KCNQ3: variants seen among roughly 807,000 people sequenced by gnomAD.
The protein encoded by KCNQ3 is potassium voltage-gated channel subfamily Q member 3.
Under a neutral mutation model 92.5 loss-of-function variants are expected in KCNQ3, and 30 were observed. That is an observed-to-expected ratio of 0.32 (90% CI 0.24 to 0.44). KCNQ3 has a LOEUF of 0.44. KCNQ3 is among the 20% of genes least tolerant of loss of function. The pLI is 1.00. For synonymous variants in KCNQ3, 450 were observed against 468.8 expected (o/e 0.96, Z 0.52); for missense variants, 913 against 1,140.3 (o/e 0.80, Z 2.87).
intron 9 of KCNQ3, 78 bp downstream of exon 9, chr8:132,163,390 G>C: frequency 1.7e-6 from 2 of 1,206,346 alleles, no homozygotes; most frequent in Non-Finnish European, 2.5e-6. Context: ...CCTCCCATGG[G>C]GCCCTACACC....
intron 1 of KCNQ3, among the ~76,000 whole-genome samples, chr8:132,351,506 C>T (rs1330079506): frequency 2.6e-5 from 4 of 152,186 alleles, no homozygotes; most frequent in Non-Finnish European, 5.9e-5. Flanking sequence ...TTGAAGCCCA[C>T]GGAGGAGGCC....
chr8:132,300,728 T>C (rs1817186764), intron 1 of KCNQ3, among the ~76,000 whole-genome samples: 2 of 152,144 alleles, frequency 1.3e-5, no homozygotes, highest in Non-Finnish European at 2.9e-5. Flanking sequence ...CAATAAAAGA[T>C]GTTTTAAACT....
intron 1 of KCNQ3, among the ~76,000 whole-genome samples, chr8:132,275,934 C>T (rs1487854307): frequency 6.6e-6 from 1 of 151,608 alleles, no homozygotes; most frequent in African/African-American, 2.4e-5. Flanking sequence ...TGTGGAATCA[C>T]CTGCTGAACC....
intron 1 of KCNQ3, among the ~76,000 whole-genome samples, chr8:132,244,801 T>G (rs1027496930): frequency 6.6e-6 from 1 of 151,986 alleles, no homozygotes; most frequent in Non-Finnish European, 1.5e-5. Context: ...TATTTCTGCC[T>G]GTGTCATCCC....
At position 132,127,796 on chromosome 8, in the gene KCNQ3, G is replaced by A. The variant is rs1463705790; in HGVS notation, c.*1466C>T. ...AATAACAACATCTCATAAGAGGCCA[G>A]AGGATGGCTTGTGCTTAATATCACA... On this transcript the variant is annotated 3_prime_UTR_variant, in exon 15 of 15. Coordinates refer to ENST00000388996, the MANE Select transcript of KCNQ3 (RefSeq NM_004519.4). 2 of 152,216 alleles carry A rather than the reference G, an allele frequency of 1.3e-5. No individual in the cohort carries two copies. Among genetic ancestry groups the A allele is most frequent in the Non-Finnish European group, 2.9e-5 (2 of 68,046 alleles). 9.4% of individuals were successfully genotyped at this position (152,216 alleles called of 1,614,324 possible). A position where few individuals can be genotyped will look rare whatever the true frequency, so the allele number is the denominator to read the frequency against.
chr8:132,258,612 G>A (rs543854320), intron 1 of KCNQ3, among the ~76,000 whole-genome samples: 69 of 151,878 alleles, frequency 4.5e-4, no homozygotes, highest in Middle Eastern at 3.4e-3. Context: ...AAAAAAAATA[G>A]CAAATGAACC....
At chr8:132,335,346 G>A (rs796856028) in intron 1 of KCNQ3, among the ~76,000 whole-genome samples, 7 of 152,220 alleles carry the variant, frequency 4.6e-5, no homozygotes, top group African/African-American at 1.7e-4. Flanking sequence ...GCCCATCTTA[G>A]ACATTTTTCA....
intron 1 of KCNQ3, among the ~76,000 whole-genome samples, chr8:132,390,668 C>G (rs1820027460): frequency 6.6e-6 from 1 of 152,166 alleles, no homozygotes; most frequent in Admixed American, 6.5e-5. Flanking sequence ...TCCAGCACTT[C>G]TCTCTGGGCC....
chr8:132,391,390 T>G (rs1820043565), intron 1 of KCNQ3, among the ~76,000 whole-genome samples: 1 of 152,044 alleles, frequency 6.6e-6, no homozygotes, highest in South Asian at 2.1e-4. Context: ...TCTCGCTTCT[T>G]CAAGATGTTT....
chr8:132,227,356 G>T (rs945909218), intron 1 of KCNQ3, among the ~76,000 whole-genome samples: 1 of 151,958 alleles, frequency 6.6e-6, no homozygotes, highest in South Asian at 2.1e-4. Flanking sequence ...CACCACACCC[G>T]GCCCCACTGG....
chr8:132,305,701 C>T (rs1353801546), intron 1 of KCNQ3, among the ~76,000 whole-genome samples: 1 of 151,996 alleles, frequency 6.6e-6, no homozygotes, highest in Non-Finnish European at 1.5e-5. Flanking sequence ...TGCTTGGGGG[C>T]CCCTTCTTTA....
chr8:132,338,561 A>G (rs1818430402), intron 1 of KCNQ3, among the ~76,000 whole-genome samples: 1 of 152,166 alleles, frequency 6.6e-6, no homozygotes, highest in African/African-American at 2.4e-5. Context: ...TGTTGTTTTG[A>G]TCATGGCTCT....
chr8:132,377,293 G>A (rs993395592), intron 1 of KCNQ3, among the ~76,000 whole-genome samples: 2 of 152,188 alleles, frequency 1.3e-5, no homozygotes, highest in African/African-American at 4.8e-5. Flanking sequence ...AGCTGGACTG[G>A]AGCTAAACCA....
At chr8:132,400,355 G>A (rs960248057) in intron 1 of KCNQ3, among the ~76,000 whole-genome samples, 8 of 152,280 alleles carry the variant, frequency 5.3e-5, no homozygotes, top group Non-Finnish European at 7.3e-5. Flanking sequence ...CCCCAGGGCC[G>A]GCTTTTCACA....
chr8:132,135,528 G>A (rs1250008015), intron 12 of KCNQ3, among the ~76,000 whole-genome samples: 3 of 152,088 alleles, frequency 2.0e-5, no homozygotes, highest in Non-Finnish European at 2.9e-5. Flanking sequence ...CTGGGGATAT[G>A]CAATCAGAGG....
At chr8:132,455,204 T>C (rs1821912306) in intron 1 of KCNQ3, among the ~76,000 whole-genome samples, 2 of 152,102 alleles carry the variant, frequency 1.3e-5, no homozygotes, top group African/African-American at 4.8e-5. Context: ...CCCCTCGGGT[T>C]CAAGTGATTC....
intron 1 of KCNQ3, among the ~76,000 whole-genome samples, chr8:132,478,982 A>AG (rs1025644744): frequency 7.6e-5 from 8 of 105,286 alleles, no homozygotes; most frequent in Non-Finnish European, 4.1e-5. Context: ...GAGAGGGGGG[A>AG]GGGGGGGTTG....
At chr8:132,353,329 G>A (rs972145574) in intron 1 of KCNQ3, among the ~76,000 whole-genome samples, 2 of 152,014 alleles carry the variant, frequency 1.3e-5, no homozygotes, top group Non-Finnish European at 2.9e-5. Flanking sequence ...GGGAAGGAAG[G>A]GGAAGGGAGG....
intron 1 of KCNQ3, among the ~76,000 whole-genome samples, chr8:132,346,215 A>G (rs1303253754): frequency 3.9e-5 from 6 of 152,166 alleles, no homozygotes; most frequent in Non-Finnish European, 8.8e-5. Flanking sequence ...GAGGGCTCAT[A>G]TGAGCTAATC....
Sources: gnomAD v4.1 joint callset for allele counts (sites outside exome capture counted in the v4.1 genomes callset) on GRCh38, gnomAD v4.1.1 for gene constraint, MANE v1.5 for transcripts, NCBI Gene and HGNC (gene_info 2026-07-23, HGNC 2026-07-21) for gene names.